Variants in WDFY3 observed in about 807,000 individuals in gnomAD.
WDFY3 encodes the protein WD repeat and FYVE domain-containing protein 3.
WDFY3 carries 66 observed loss-of-function variants against 409.6 expected under a neutral mutation model. That is an observed-to-expected ratio of 0.16 (90% CI 0.13 to 0.20). WDFY3 has a LOEUF of 0.20. WDFY3 is among the 10% of genes least tolerant of loss of function. The pLI is 1.00. For synonymous variants in WDFY3, 1,521 were observed against 1,537.1 expected (o/e 0.99, Z 0.25); for missense variants, 3,031 against 4,298.1 (o/e 0.71, Z 8.24).
intron 1 of WDFY3, among the ~76,000 whole-genome samples, chr4:84,947,320 G>A (rs1323406313): frequency 1.4e-5 from 2 of 147,634 alleles, no homozygotes; most frequent in African/African-American, 5.0e-5. Context: ...AGACCATCCT[G>A]GCTAACATGG....
chr4:84,951,465 T>C (rs1267699214), intron 1 of WDFY3, among the ~76,000 whole-genome samples: 1 of 152,208 alleles, frequency 6.6e-6, no homozygotes, highest in East Asian at 1.9e-4. Context: ...ACAATTTGTA[T>C]TGATCCTTTA....
At position 84,672,739 on chromosome 4, in the gene WDFY3, T is replaced by A; in HGVS notation, c.*129A>T. On this transcript the variant is annotated 3_prime_UTR_variant, in exon 68 of 68. Transcript: ENST00000295888. Reference sequence around the variant, plus strand: ...CGTTTTATTCAATGATCCCTTTGAATTTTAACACTTCAAACACGTGGTATG... The same window carrying A: ...CGTTTTATTCAATGATCCCTTTGAAATTTAACACTTCAAACACGTGGTATG... 1 of 1,362,950 alleles carries A rather than the reference T, an allele frequency of 7.3e-7. No homozygotes were observed. The highest frequency in any genetic ancestry group is 1.0e-6 in the Non-Finnish European group (1 of 1,002,022). 84.4% of individuals were successfully genotyped at this position (1,362,950 alleles called of 1,614,324 possible).
intron 24 of WDFY3, among the ~76,000 whole-genome samples, chr4:84,783,319 C>T (rs1471598770): frequency 6.6e-6 from 1 of 152,026 alleles, no homozygotes; most frequent in East Asian, 1.9e-4. Flanking sequence ...ATGGCGAGAC[C>T]CCCATCTCTA....
At chr4:84,738,037 C>T (rs902806739) in intron 40 of WDFY3, among the ~76,000 whole-genome samples, 4 of 152,178 alleles carry the variant, frequency 2.6e-5, no homozygotes, top group East Asian at 1.9e-4. Flanking sequence ...AAATAATAAC[C>T]GCATCTTTGG....
chr4:84,713,681 A>C (rs1733324911), intron 50 of WDFY3, among the ~76,000 whole-genome samples: 1 of 152,188 alleles, frequency 6.6e-6, no homozygotes, highest in South Asian at 2.1e-4. Context: ...TCTATAATGG[A>C]GGGATTGCCA....
intron 1 of WDFY3, among the ~76,000 whole-genome samples, chr4:84,935,870 C>G (rs1771335839): frequency 6.6e-6 from 1 of 152,104 alleles, no homozygotes; most frequent in South Asian, 2.1e-4. Flanking sequence ...TCAGTACATT[C>G]TAACTACAAT....
At chr4:84,931,800 T>C (rs890463090) in intron 2 of WDFY3, among the ~76,000 whole-genome samples, 5 of 152,068 alleles carry the variant, frequency 3.3e-5, no homozygotes, top group Admixed American at 6.6e-5. Flanking sequence ...CAAAGTAAAG[T>C]AAAGCATTAA....
In WDFY3 at chr4:84,748,887, T is replaced by TC. The variant is rs1331272063; in HGVS notation, c.5973+2595_5973+2596insG. ...AATATGTAAGATAATTCTCTCTCTC[T>TC]TTTTTTTTTTTTGAGACAGGGTCTC... On this transcript the variant is annotated intron_variant, in intron 36 of 67. Transcript: ENST00000295888. 8.4e-5 allele frequency among the ~76,000 whole-genome samples: 12 copies of TC among 142,308 alleles called. No homozygotes were observed. In the South Asian group the frequency reaches 2.5e-3, roughly 29 times the overall value. The allele number at this position is 142,308 out of a possible 152,430, so 93.4% of individuals were successfully genotyped here. A position where few individuals can be genotyped will look rare whatever the true frequency, so the allele number is the denominator to read the frequency against.
At chr4:84,684,258 T>A in intron 62 of WDFY3, 133 bp from the exon 63 acceptor site, 1 of 776,034 alleles carries the variant, frequency 1.3e-6, no homozygotes, top group Non-Finnish European at 1.9e-6. Flanking sequence ...ATTTCTTAGG[T>A]AACCTGAAAT....
At chr4:84,962,264 C>CA (rs1775010460) in intron 1 of WDFY3, among the ~76,000 whole-genome samples, 3 of 152,080 alleles carry the variant, frequency 2.0e-5, no homozygotes, top group Admixed American at 2.0e-4. Context: ...TGCTATAAAT[C>CA]AGAGATTCTT....
At chr4:84,740,978 T>C (rs1389078447) in intron 38 of WDFY3, among the ~76,000 whole-genome samples, 1 of 152,200 alleles carries the variant, frequency 6.6e-6, no homozygotes, top group Non-Finnish European at 1.5e-5. Context: ...AAGTATTAAA[T>C]AAGATTAATC....
chr4:84,780,667 G>A (rs1746334752), intron 25 of WDFY3, among the ~76,000 whole-genome samples: 1 of 152,110 alleles, frequency 6.6e-6, no homozygotes, highest in African/African-American at 2.4e-5. Context: ...AGGAGGCTGA[G>A]GCAGGAGACT....
intron 2 of WDFY3, among the ~76,000 whole-genome samples, chr4:84,909,649 T>C (rs1276327426): frequency 6.6e-6 from 1 of 152,058 alleles, no homozygotes; most frequent in African/African-American, 2.4e-5. Flanking sequence ...ATATTGTCTT[T>C]TATGAAATCT....
At chr4:84,805,543 C>T (rs959991734) in intron 15 of WDFY3, among the ~76,000 whole-genome samples, 3 of 152,078 alleles carry the variant, frequency 2.0e-5, no homozygotes, top group Non-Finnish European at 4.4e-5. Flanking sequence ...TTATGGTAAG[C>T]TTATTAAATG....
intron 23 of WDFY3, 147 bp downstream of exon 23, chr4:84,787,335 A>T: frequency 2.8e-6 from 2 of 722,852 alleles, no homozygotes; most frequent in South Asian, 3.9e-5. Context: ...AATATTTTCA[A>T]TAGGAGTGAG....
intron 3 of WDFY3, chr4:84,879,294 A>G (rs960954849): frequency 1.3e-5 from 2 of 152,146 alleles, no homozygotes; most frequent in South Asian, 2.1e-4. Flanking sequence ...ATGGCTACCT[A>G]TCATAGGTAG....
intron 1 of WDFY3, among the ~76,000 whole-genome samples, chr4:84,955,227 C>T (rs894022743): frequency 1.4e-5 from 2 of 147,230 alleles, no homozygotes; most frequent in Non-Finnish European, 3.0e-5. Context: ...AAAAAGGGAG[C>T]GGGAGCTCCC....
intron 11 of WDFY3, among the ~76,000 whole-genome samples, chr4:84,820,572 C>T (rs1329919114): frequency 6.6e-6 from 1 of 152,056 alleles, no homozygotes; most frequent in Non-Finnish European, 1.5e-5. Flanking sequence ...TATTAATTCA[C>T]ATTTAATACT....
chr4:84,909,237 G>A (rs1258006460), intron 2 of WDFY3, among the ~76,000 whole-genome samples: 1 of 152,034 alleles, frequency 6.6e-6, no homozygotes, highest in Non-Finnish European at 1.5e-5. Flanking sequence ...TTTGGTTCAT[G>A]GGGTAAAATA....
Sources: gnomAD v4.1 joint callset for allele counts (sites outside exome capture counted in the v4.1 genomes callset) on GRCh38, gnomAD v4.1.1 for gene constraint, MANE v1.5 for transcripts, NCBI Gene and HGNC (gene_info 2026-07-23, HGNC 2026-07-21) for gene names.